The following PLSCR3 variants were observed in gnomAD, a reference collection of about 807,000 sequenced individuals.
The protein encoded by PLSCR3 is phospholipid scramblase 3.
In PLSCR3, 17 loss-of-function variants were observed where a neutral mutation model predicts 33.7. The observed-to-expected ratio is 0.50, with a 90% CI of 0.35 to 0.76. PLSCR3 has a LOEUF of 0.76. Among genes scored for constraint, PLSCR3 ranks in the 30% least tolerant of loss-of-function variants. The pLI, the probability that PLSCR3 is intolerant of heterozygous loss-of-function variation, is 0.01. For missense variants in PLSCR3, 360 were observed against 394.1 expected, an observed-to-expected ratio of 0.91 and a Z score of 0.73; for synonymous variants, 166 against 166.0, an observed-to-expected ratio of 1.00 and a Z score of 0.00.
Position 7,392,881 on chromosome 17 carries a change from C to A in PLSCR3, c.579G>T (p.Lys193Asn). 6.2e-7 allele frequency: 1 copy of A among 1,614,088 alleles called. No individual in the cohort carries two copies. The highest frequency in any genetic ancestry group is 8.5e-7 in the Non-Finnish European group (1 of 1,180,022). The change falls in exon 6 of 8, where the codon AAG (lysine) becomes AAT (asparagine). Residue 193 changes from lysine to asparagine, a missense_variant. By Grantham distance (94) the Lys-to-Asn change is moderately conservative. Coordinates refer to ENST00000619711, the MANE Select transcript of PLSCR3 (RefSeq NM_020360.4). ...GGCGATCGGCATCCTGGATGGAGAA[C>A]TTGGGGAGGAAGGGATGCCAGGTCT... ...VLQTWHPFLP[K>N]FSIQDADRQT...
chr17:7,390,960 C>T (rs1905640810), intron 6 of PLSCR3, among the ~76,000 whole-genome samples, 165 bp from the exon 7 acceptor site: 1 of 152,172 alleles, frequency 6.6e-6, no homozygotes, highest in South Asian at 2.1e-4. Flanking sequence ...TGGTTCCCAT[C>T]ACAGAGTATG....
rs539773650 is a variant in PLSCR3 at position 7,391,375 on chromosome 17, A to G, written c.670-580T>C. Among the ~76,000 whole-genome samples, 16 of 152,340 alleles carry G rather than the reference A, an allele frequency of 1.1e-4. No homozygotes were observed. Among genetic ancestry groups the G allele is most frequent in the African/African-American group, 3.6e-4 (15 of 41,582 alleles). ...GAGAGCCTCATCTAGAGAGGGATAC[A>G]TGCCTATCTACTGTGGAGAGAGGCA... On this transcript the variant is annotated intron_variant, in intron 6 of 7. Coordinates refer to ENST00000619711, the MANE Select transcript of PLSCR3 (RefSeq NM_020360.4). This position sits in a 1 kb window ranked among gnomAD's most constrained non-coding sequence, Gnocchi z 4.1.
intron 2 of PLSCR3, 106 bp downstream of exon 2, chr17:7,393,998 G>A (rs1341497003): frequency 4.9e-6 from 7 of 1,419,316 alleles, no homozygotes; most frequent in Non-Finnish European, 6.8e-6. Flanking sequence ...AGGAAGGGAG[G>A]GGCCCCACCC....
In PLSCR3 at chr17:7,391,967, C is replaced by T. The variant is rs1366492721; in HGVS notation, c.669+824G>A. ...TTGGGAGGCTGAGGTGGGCGGATCA[C>T]CTGAGGTCAGGAGTTCGAGACCAGC... On this transcript the variant is annotated intron_variant, in intron 6 of 7. Coordinates refer to ENST00000619711, the MANE Select transcript of PLSCR3 (RefSeq NM_020360.4). This position sits in a 1 kb window ranked among gnomAD's most constrained non-coding sequence, Gnocchi z 4.1. Among the ~76,000 whole-genome samples the T allele has an allele frequency of 1.3e-5, 2 of 152,234 alleles. No individual in the cohort carries two copies. Among genetic ancestry groups the T allele is most frequent in the Non-Finnish European group, 2.9e-5 (2 of 68,046 alleles).
chr17:7,393,119 CT>C, intron 5 of PLSCR3, 24 bp downstream of exon 5: 166 of 1,338,548 alleles, frequency 1.2e-4, no homozygotes, highest in Non-Finnish European at 1.6e-4. Flanking sequence ...AAGGCCCGCC[CT>C]CCCGGCCCCC....
At position 7,391,418 on chromosome 17, in the gene PLSCR3, AG is replaced by A. The variant is rs1404950476; in HGVS notation, c.670-624del. Among the ~76,000 whole-genome samples, 2 of 152,206 alleles carry A rather than the reference AG, an allele frequency of 1.3e-5. No individual in the cohort carries two copies. Among genetic ancestry groups the A allele is most frequent in the Non-Finnish European group, 2.9e-5 (2 of 68,036 alleles). On this transcript the variant is annotated intron_variant, in intron 6 of 7. Transcript: ENST00000619711. This position sits in a 1 kb window ranked among gnomAD's most constrained non-coding sequence, Gnocchi z 4.1. ...GAGAGGCAGCAGTAAGTAGCCTTTGAGGACCACAATTTCCACTGGCTTCTCT... is the reference window on the plus strand; with the variant it reads ...GAGAGGCAGCAGTAAGTAGCCTTTGAGACCACAATTTCCACTGGCTTCTCT...
chr17:7,393,112 G>GGGC, intron 5 of PLSCR3, 32 bp downstream of exon 5: 1 of 1,256,050 alleles, frequency 8.0e-7, no homozygotes, highest in East Asian at 2.6e-5. Flanking sequence ...CCCCACCAAG[G>GGGC]CCCGCCCTCC....
intron 6 of PLSCR3, among the ~76,000 whole-genome samples, chr17:7,392,141 T>C (rs1431667055): frequency 6.6e-6 from 1 of 152,172 alleles, no homozygotes; most frequent in Non-Finnish European, 1.5e-5. Flanking sequence ...GCTGAGATCA[T>C]GCCATAGCAC....
In PLSCR3 at chr17:7,393,154, C is replaced by T; in HGVS notation, c.497G>A (p.Gly166Asp). Residue 166 changes from glycine to aspartate, a missense_variant, in exon 5 of 8, where the codon GGC (glycine) becomes GAC (aspartate). Gly to Asp is a moderately conservative substitution (Grantham distance 94). Coordinates refer to ENST00000619711, the MANE Select transcript of PLSCR3 (RefSeq NM_020360.4). Reference protein sequence around the residue: ...LHCGCSCCPCGLQEMEVQAPP... With the variant: ...LHCGCSCCPCDLQEMEVQAPP... ...CCTCCCTCCGCCCACCTCCTGGAGG[C>T]CACAGGGGCAGCAGCTGCAGCCACA... The T allele has an allele frequency of 8.3e-7, 1 of 1,206,108 alleles. No homozygotes were observed. Among genetic ancestry groups the T allele is most frequent in the Non-Finnish European group, 1.1e-6 (1 of 935,666 alleles). The allele number at this position is 1,206,108 out of a possible 1,614,324, so 74.7% of individuals were successfully genotyped here.
intron 6 of PLSCR3, among the ~76,000 whole-genome samples, chr17:7,392,499 T>C (rs935333965): frequency 6.6e-6 from 1 of 152,172 alleles, no homozygotes; most frequent in African/African-American, 2.4e-5. Context: ...CCACACAGAC[T>C]TAATCGTCCT....
In PLSCR3 at chr17:7,393,125, G is replaced by A; in HGVS notation, c.507+19C>T. 1.4e-6 allele frequency: 1 copy of A among 721,232 alleles called. No individual in the cohort carries two copies. Among genetic ancestry groups the A allele is most frequent in the Non-Finnish European group, 2.0e-6 (1 of 504,250 alleles). 44.7% of individuals were successfully genotyped at this position (721,232 alleles called of 1,614,324 possible). On this transcript the variant is annotated intron_variant, in intron 5 of 7. Transcript: ENST00000619711. ...CGCCCCACCAAGGCCCGCCCTCCCGGCCCCCTCCCTCCGCCCACCTCCTGG... is the reference window on the plus strand; with the variant it reads ...CGCCCCACCAAGGCCCGCCCTCCCGACCCCCTCCCTCCGCCCACCTCCTGG...
At position 7,394,278 on chromosome 17, in the gene PLSCR3, G is replaced by T; in HGVS notation, c.-157-11C>A. 1.7e-6 allele frequency: 1 copy of T among 603,850 alleles called. No homozygotes were observed. Among genetic ancestry groups the T allele is most frequent in the Non-Finnish European group, 2.9e-6 (1 of 343,880 alleles). 37.4% of individuals were successfully genotyped at this position (603,850 alleles called of 1,614,324 possible). A position where few individuals can be genotyped will look rare whatever the true frequency, so the allele number is the denominator to read the frequency against. ...TCTTGGGCGGCGCCTCTGACTCGGG[G>T]AGAAACCCAAGTGTCAGTGGGCGGG... On this transcript the variant is annotated splice_polypyrimidine_tract_variant and intron_variant, in intron 1 of 7. Transcript: ENST00000619711. The surrounding 1 kb of genome is among the most constrained non-coding windows in gnomAD (Gnocchi z 5.3).
chr17:7,390,519 C>T, intron 7 of PLSCR3, 78 bp from the exon 8 acceptor site: 3 of 1,558,848 alleles, frequency 1.9e-6, no homozygotes, highest in Non-Finnish European at 2.6e-6. Flanking sequence ...TCTAGAACCT[C>T]AACCCCCACA....
chr17:7,393,006 C>A, intron 5 of PLSCR3, 54 bp from the exon 6 acceptor site: 2 of 1,562,586 alleles, frequency 1.3e-6, no homozygotes, highest in South Asian at 1.2e-5. Flanking sequence ...CCAGCTCTAT[C>A]ATCTGTCTAT....
Position 7,394,334 on chromosome 17 carries a change from G to C in PLSCR3, c.-157-67C>G. 2 of 526,902 alleles carry C rather than the reference G, an allele frequency of 3.8e-6. No individual in the cohort carries two copies. The highest frequency in any genetic ancestry group is 6.8e-6 in the Non-Finnish European group (2 of 294,002). 32.6% of individuals were successfully genotyped at this position (526,902 alleles called of 1,614,324 possible). The stretch of plus-strand genomic sequence containing the variant: ...GTACCTGGGACCCTGGATTCCCTCG[G>C]GGGCCCCAGAACCGCCCCCTCCCTT... On this transcript the variant is annotated intron_variant, in intron 1 of 7. Transcript: ENST00000619711. The surrounding 1 kb of genome is among the most constrained non-coding windows in gnomAD (Gnocchi z 5.3).
intron 7 of PLSCR3, 90 bp from the exon 8 acceptor site, chr17:7,390,531 C>G: frequency 6.4e-7 from 1 of 1,565,612 alleles, no homozygotes. Flanking sequence ...ACCCCCACAA[C>G]ACCTATTCCT....
chr17:7,394,204 A>G lies in PLSCR3; in HGVS notation c.-94T>C. On this transcript the variant is annotated 5_prime_UTR_variant, in exon 2 of 8. Transcript: ENST00000619711. The surrounding 1 kb of genome is among the most constrained non-coding windows in gnomAD (Gnocchi z 5.3). ...CGGAGATAGCCAGACAGACACAGAG[A>G]CAGACACAAAGACGGAGAGGCAGCT... is the stretch of plus-strand genomic sequence containing the variant. The G allele has an allele frequency of 8.0e-7, 1 of 1,254,828 alleles. No homozygotes were observed. Among genetic ancestry groups the G allele is most frequent in the Non-Finnish European group, 1.2e-6 (1 of 866,280 alleles). The allele number at this position is 1,254,828 out of a possible 1,614,324, so 77.7% of individuals were successfully genotyped here.
rs115979758 is a variant in PLSCR3 at position 7,392,863 on chromosome 17, G to A, written c.597C>T (p.Ala199=). The change falls in exon 6 of 8, where the codon GCC becomes GCT. Residue 199 remains alanine (A), a synonymous_variant. Transcript: ENST00000619711. ...CCACTCGCAAGACTGTCTGGCGATC[G>A]GCATCCTGGATGGAGAACTTGGGGA... ...PFLPKFSIQD[A]DRQTVLRVVG... is the part of the protein sequence containing the mutation. The A allele has an allele frequency of 1.6e-3, 2,521 of 1,614,064 alleles. 30 individuals are homozygous for A. In the African/African-American group the frequency reaches 0.029, roughly 19 times the overall value.
chr17:7,391,866 T>A lies in PLSCR3; in HGVS notation c.669+925A>T, dbSNP rs1217941465. Among the ~76,000 whole-genome samples, 1 of 152,212 alleles carries A rather than the reference T, an allele frequency of 6.6e-6. No individual in the cohort carries two copies. Among genetic ancestry groups the A allele is most frequent in the Non-Finnish European group, 1.5e-5 (1 of 68,040 alleles). ...GATTATACCTGTTGTTTCTCCCTTA[T>A]CTGCACAAGCAATTATCCCTTAAAG... On this transcript the variant is annotated intron_variant, in intron 6 of 7. Coordinates refer to ENST00000619711, the MANE Select transcript of PLSCR3 (RefSeq NM_020360.4). The surrounding 1 kb of genome is among the most constrained non-coding windows in gnomAD (Gnocchi z 4.1).
Sources: gnomAD v4.1 joint callset for allele counts (sites outside exome capture counted in the v4.1 genomes callset) on GRCh38, gnomAD v4.1.1 for gene constraint, Gnocchi (gnomAD v3.1) non-coding constraint, MANE v1.5 for transcripts, NCBI Gene and HGNC (gene_info 2026-07-23, HGNC 2026-07-21) for gene names.